The following WDR7 variants were observed in gnomAD, a reference collection of about 807,000 sequenced individuals.
WDR7 encodes WD repeat domain 7, also known as WD repeat-containing protein 7.
Under a neutral mutation model 169.4 loss-of-function variants are expected in WDR7, and 46 were observed. The observed-to-expected ratio is 0.27, with a 90% confidence interval of 0.21 to 0.35. The LOEUF is 0.35. WDR7 is among the 10% of genes least tolerant of loss of function. WDR7 has a pLI of 1.00. For missense variants in WDR7, 1,534 were observed against 1,859.3 expected, an observed-to-expected ratio of 0.83 and a Z score of 3.22; for synonymous variants, 612 against 666.8, an observed-to-expected ratio of 0.92 and a Z score of 1.27.
At chr18:57,023,916 G>A (rs1258920674) in intron 27 of WDR7, among the ~76,000 whole-genome samples, 1 of 152,056 alleles carries the variant, frequency 6.6e-6, no homozygotes, top group African/African-American at 2.4e-5. Context: ...CATTTAAAAG[G>A]AATAATGTAA....
intron 1 of WDR7, among the ~76,000 whole-genome samples, chr18:56,659,703 C>T (rs1409257551): frequency 6.6e-6 from 1 of 152,078 alleles, no homozygotes; most frequent in East Asian, 1.9e-4. Context: ...TATCTTTGAG[C>T]AACACCAATG....
intron 16 of WDR7, among the ~76,000 whole-genome samples, chr18:56,760,410 CCTAT>C (rs572912608): frequency 9.0e-4 from 137 of 152,176 alleles, no homozygotes; most frequent in Middle Eastern, 3.4e-3. Context: ...TTTAATTTTG[CCTAT>C]CTTTTAAGTT....
chr18:56,837,002 G>C (rs2045406850), intron 20 of WDR7, among the ~76,000 whole-genome samples: 1 of 152,152 alleles, frequency 6.6e-6, no homozygotes, highest in Non-Finnish European at 1.5e-5. Context: ...CAACAAACGT[G>C]TAAACAATTT....
intron 26 of WDR7, among the ~76,000 whole-genome samples, chr18:56,978,927 A>C (rs1385799556): frequency 6.6e-6 from 1 of 152,196 alleles, no homozygotes; most frequent in East Asian, 1.9e-4. Context: ...TGTGTGAATT[A>C]ATATTTCAGT....
chr18:56,922,906 G>A (rs2046746782), intron 21 of WDR7, among the ~76,000 whole-genome samples: 1 of 152,034 alleles, frequency 6.6e-6, no homozygotes, highest in South Asian at 2.1e-4. Flanking sequence ...TCTTCATTTA[G>A]AAAAGAGCCA....
intron 2 of WDR7, among the ~76,000 whole-genome samples, chr18:56,678,776 T>A (rs2025297263): frequency 6.6e-6 from 1 of 152,222 alleles, no homozygotes; most frequent in Non-Finnish European, 1.5e-5. Flanking sequence ...ATTACAGACA[T>A]GAGGCACCGC....
At chr18:56,960,982 T>TA (rs760439677) in intron 25 of WDR7, among the ~76,000 whole-genome samples, 3,645 of 145,956 alleles carry the variant, frequency 0.025, 55 homozygotes, top group Middle Eastern at 0.049. Flanking sequence ...TACTAAAAGT[T>TA]AAAAAAAAAA....
At chr18:57,012,530 C>A (rs552765593) in intron 26 of WDR7, among the ~76,000 whole-genome samples, 1 of 152,278 alleles carries the variant, frequency 6.6e-6, no homozygotes, top group Admixed American at 6.5e-5. Flanking sequence ...AATGAGGAGA[C>A]GGACACTTCT....
At chr18:57,003,986 C>A (rs936213058) in intron 26 of WDR7, among the ~76,000 whole-genome samples, 4 of 151,768 alleles carry the variant, frequency 2.6e-5, no homozygotes, top group Non-Finnish European at 4.4e-5. Flanking sequence ...TTATATCATA[C>A]CCTCCGCATT....
intron 9 of WDR7, among the ~76,000 whole-genome samples, 157 bp from the exon 10 acceptor site, chr18:56,694,462 A>G (rs2025651884): frequency 6.6e-6 from 1 of 152,176 alleles, no homozygotes; most frequent in Admixed American, 6.5e-5. Context: ...AGTGCTATAG[A>G]ATTACATTAA....
chr18:56,757,253 C>T lies in WDR7; in HGVS notation c.2660C>T (p.Thr887Ile). 1.2e-6 allele frequency: 2 copies of T among 1,614,160 alleles called. No individual in the cohort carries two copies. The highest frequency in any genetic ancestry group is 1.7e-6 in the Non-Finnish European group (2 of 1,180,028). The change falls in exon 15 of 28, where the codon ACC becomes ATC. Residue 887 changes from threonine (T) to isoleucine (I), a missense_variant. Transcript: ENST00000254442. ...KGTYGVSRAV[T>I]TQHLLSIISL... ...ACTTACGGAGTGTCCCGTGCCGTCA[C>T]CACACAGCATCTCCTGTCTATCATT...
intron 19 of WDR7, among the ~76,000 whole-genome samples, chr18:56,815,460 C>G (rs2044948817): frequency 6.6e-6 from 1 of 152,188 alleles, no homozygotes; most frequent in Non-Finnish European, 1.5e-5. Flanking sequence ...GGCCTCTGAA[C>G]TTCTTTGCCT....
intron 21 of WDR7, among the ~76,000 whole-genome samples, chr18:56,917,123 G>C (rs2046639000): frequency 6.6e-6 from 1 of 152,066 alleles, no homozygotes. Context: ...CTTGAACCCG[G>C]GAGACAGATG....
At chr18:56,687,472 G>C (rs2025466365) in intron 7 of WDR7, among the ~76,000 whole-genome samples, 1 of 152,102 alleles carries the variant, frequency 6.6e-6, no homozygotes, top group African/African-American at 2.4e-5. Flanking sequence ...TCTGTGACTA[G>C]CACTTTTTTC....
At chr18:56,964,679 C>T (rs1159902181) in intron 26 of WDR7, among the ~76,000 whole-genome samples, 1 of 152,130 alleles carries the variant, frequency 6.6e-6, no homozygotes, top group Non-Finnish European at 1.5e-5. Flanking sequence ...TGAGCCACTG[C>T]ATCCAGCCTA....
intron 20 of WDR7, among the ~76,000 whole-genome samples, chr18:56,827,449 G>A (rs908387037): frequency 6.6e-6 from 1 of 152,116 alleles, no homozygotes; most frequent in Non-Finnish European, 1.5e-5. Flanking sequence ...GGCAGGCACA[G>A]AAAGACAAAT....
chr18:56,790,573 A>G (rs1017860161), intron 19 of WDR7, among the ~76,000 whole-genome samples: 1 of 152,136 alleles, frequency 6.6e-6, no homozygotes, highest in Non-Finnish European at 1.5e-5. Flanking sequence ...AGTATTGTTT[A>G]TAAATTCTGG....
intron 19 of WDR7, among the ~76,000 whole-genome samples, chr18:56,792,702 A>G (rs947693013): frequency 6.0e-5 from 9 of 151,180 alleles, no homozygotes; most frequent in African/African-American, 1.9e-4. Context: ...ATCTAGCACA[A>G]TTGAAAACTG....
rs1170975270 is a variant in WDR7, at chr18:56,693,434, G to T, written c.967-1185G>T. Among the ~76,000 whole-genome samples, 21 of 152,214 alleles carry T rather than the reference G, an allele frequency of 1.4e-4. 1 individual carries two copies. The stretch of plus-strand genomic sequence containing the variant: ...TGTTCCTGGTAGCTGGTAGCTAACA[G>T]AGGCTAGGTTCAAATTGATTATGAA... On this transcript the variant is annotated intron_variant, in intron 9 of 27. Transcript: ENST00000254442.
Sources: allele counts gnomAD v4.1 joint callset (sites outside exome capture counted in the v4.1 genomes callset), GRCh38; gene constraint gnomAD v4.1.1; transcripts MANE v1.5; gene names NCBI Gene and HGNC (gene_info 2026-07-23, HGNC 2026-07-21).